Variants in SNTG1 observed in about 807,000 individuals in gnomAD.
The protein encoded by SNTG1 is gamma-1-syntrophin.
Under a neutral mutation model 74.7 loss-of-function variants are expected in SNTG1, and 39 were observed. That is an observed-to-expected ratio of 0.52 (90% confidence interval 0.40 to 0.68). The LOEUF is 0.68. Ranked by LOEUF, SNTG1 falls within the 30% of genes least tolerant of loss-of-function variation. SNTG1 has a pLI of 0.00. For synonymous variants in SNTG1, 254 were observed against 217.1 expected, an observed-to-expected ratio of 1.17 and a Z score of -1.49; for missense variants, 685 against 609.5, an observed-to-expected ratio of 1.12 and a Z score of -1.30.
At chr8:50,276,370 ATT>A (rs1189820842) in intron 2 of SNTG1, among the ~76,000 whole-genome samples, 5 of 89,216 alleles carry the variant, frequency 5.6e-5, no homozygotes, top group African/African-American at 2.3e-4. Flanking sequence ...GTGCAAGTAA[ATT>A]TTATATATAT....
chr8:50,458,822 G>A (rs1435314840), intron 8 of SNTG1, among the ~76,000 whole-genome samples: 2 of 152,060 alleles, frequency 1.3e-5, no homozygotes, highest in African/African-American at 4.8e-5. Context: ...CTGGCCACAA[G>A]TCAGATATAC....
At chr8:50,275,831 T>C (rs926510130) in intron 2 of SNTG1, among the ~76,000 whole-genome samples, 4 of 152,136 alleles carry the variant, frequency 2.6e-5, no homozygotes, top group African/African-American at 9.7e-5. Context: ...TCTTTTCAGA[T>C]TTTAGGGTGG....
intron 13 of SNTG1, among the ~76,000 whole-genome samples, chr8:50,603,732 G>A (rs2094792289): frequency 6.6e-6 from 1 of 152,138 alleles, no homozygotes; most frequent in African/African-American, 2.4e-5. Flanking sequence ...TCATAGGTGT[G>A]CTGACTTGGT....
At chr8:50,721,022 G>A (rs961277114) in intron 17 of SNTG1, among the ~76,000 whole-genome samples, 5 of 152,130 alleles carry the variant, frequency 3.3e-5, no homozygotes, top group African/African-American at 9.7e-5. Flanking sequence ...ACAGTGAGCT[G>A]GTAAGGAAAT....
chr8:50,340,351 G>A (rs774926765), intron 2 of SNTG1, among the ~76,000 whole-genome samples: 1 of 151,966 alleles, frequency 6.6e-6, no homozygotes, highest in Non-Finnish European at 1.5e-5. Flanking sequence ...AACCAAAACA[G>A]TGTGGTGTTA....
intron 2 of SNTG1, among the ~76,000 whole-genome samples, chr8:50,234,828 T>A (rs2085808257): frequency 6.6e-6 from 1 of 152,114 alleles, no homozygotes; most frequent in African/African-American, 2.4e-5. Flanking sequence ...GGATCTCTTT[T>A]TCTGATAGAT....
At chr8:49,962,878 C>G (rs1018590193) in intron 1 of SNTG1, among the ~76,000 whole-genome samples, 4 of 152,196 alleles carry the variant, frequency 2.6e-5, no homozygotes, top group Non-Finnish European at 5.9e-5. Flanking sequence ...TAGGCATGAG[C>G]CACTGCGCCC....
chr8:50,377,495 G>A (rs1252007519), intron 2 of SNTG1, among the ~76,000 whole-genome samples: 2 of 151,826 alleles, frequency 1.3e-5, no homozygotes, highest in Non-Finnish European at 2.9e-5. Context: ...TCTTCACTGT[G>A]TTTGCAGTAC....
At chr8:50,681,164 C>G (rs1375272374) in intron 15 of SNTG1, among the ~76,000 whole-genome samples, 4 of 151,762 alleles carry the variant, frequency 2.6e-5, no homozygotes, top group Non-Finnish European at 4.4e-5. Context: ...GAAATAATAA[C>G]CTATTTTGGC....
At chr8:50,347,919 G>C (rs1317445416) in intron 2 of SNTG1, among the ~76,000 whole-genome samples, 1 of 152,198 alleles carries the variant, frequency 6.6e-6, no homozygotes, top group Non-Finnish European at 1.5e-5. Context: ...TAAGAGCCCA[G>C]CCCTCATGAG....
In SNTG1 at chr8:50,536,815, C is replaced by A. The variant is rs2130404808; in HGVS notation, c.680+7C>A. On this transcript the variant is annotated splice_region_variant and intron_variant, in intron 11 of 18. Transcript: ENST00000642720. ...CCGGCACAGATTTGAGTCGGTGAGT[C>A]CGTGTTTAGGAGTTATGACTGTTTT... 2.5e-6 allele frequency: 4 copies of A among 1,613,598 alleles called. No homozygotes were observed. The highest frequency in any genetic ancestry group is 3.4e-6 in the Non-Finnish European group (4 of 1,179,668).
At chr8:50,126,661 C>A (rs1024407263) in intron 1 of SNTG1, among the ~76,000 whole-genome samples, 21 of 151,872 alleles carry the variant, frequency 1.4e-4, no homozygotes, top group African/African-American at 5.1e-4. Flanking sequence ...TTATATATAA[C>A]ACAGATCCCA....
intron 2 of SNTG1, among the ~76,000 whole-genome samples, chr8:50,210,799 C>G (rs560129669): frequency 6.6e-6 from 1 of 152,082 alleles, no homozygotes; most frequent in African/African-American, 2.4e-5. Context: ...AATTTAAAAA[C>G]AAAAACAAAA....
At chr8:50,265,034 G>A (rs1377883741) in intron 2 of SNTG1, among the ~76,000 whole-genome samples, 1 of 151,892 alleles carries the variant, frequency 6.6e-6, no homozygotes, top group South Asian at 2.1e-4. Flanking sequence ...TAATGTTACT[G>A]GTAAATCCTT....
intron 9 of SNTG1, among the ~76,000 whole-genome samples, chr8:50,521,994 A>G (rs2094183490): frequency 2.0e-5 from 3 of 152,100 alleles, no homozygotes; most frequent in South Asian, 2.1e-4. Context: ...ACTCCTGTCA[A>G]TATTAATCAT....
chr8:50,184,898 T>G (rs530849341), intron 2 of SNTG1, among the ~76,000 whole-genome samples: 46 of 152,302 alleles, frequency 3.0e-4, no homozygotes, highest in African/African-American at 1.1e-3. Flanking sequence ...TGACAGTTAT[T>G]TATTACTGTG....
chr8:49,992,629 G>A (rs1813800850), intron 1 of SNTG1, among the ~76,000 whole-genome samples: 1 of 152,142 alleles, frequency 6.6e-6, no homozygotes, highest in Non-Finnish European at 1.5e-5. Context: ...GGTGTTGGAA[G>A]AAACTTAAAT....
At chr8:50,549,125 G>A (rs949708578) in intron 11 of SNTG1, among the ~76,000 whole-genome samples, 4 of 152,122 alleles carry the variant, frequency 2.6e-5, no homozygotes, top group African/African-American at 9.7e-5. Flanking sequence ...TGAAACAACT[G>A]GTGAATTTAA....
intron 12 of SNTG1, among the ~76,000 whole-genome samples, chr8:50,556,926 A>C (rs1473712514): frequency 6.6e-6 from 1 of 152,184 alleles, no homozygotes; most frequent in African/African-American, 2.4e-5. Flanking sequence ...CTGAGGACTC[A>C]GCACATGTCA....
Sources: gnomAD v4.1 joint callset for allele counts (sites outside exome capture counted in the v4.1 genomes callset) on GRCh38, gnomAD v4.1.1 for gene constraint, MANE v1.5 for transcripts, NCBI Gene and HGNC (gene_info 2026-07-23, HGNC 2026-07-21) for gene names.